STX8: variants seen among roughly 807,000 people sequenced by gnomAD.
The protein encoded by STX8 is syntaxin 8.
A neutral mutation model predicts 37.5 loss-of-function variants in STX8; 23 were observed. That is an observed-to-expected ratio of 0.61 (90% CI 0.44 to 0.87). STX8 has a LOEUF of 0.87. Among genes scored for constraint, STX8 ranks in the 40% least tolerant of loss-of-function variants. The probability of loss-of-function intolerance (pLI) is 0.00; values close to 1 mark genes in which losing one functional copy is unlikely to be tolerated. For missense variants in STX8, 313 were observed against 284.7 expected, an observed-to-expected ratio of 1.10 and a Z score of -0.71; for synonymous variants, 115 against 99.1, an observed-to-expected ratio of 1.16 and a Z score of -0.95.
chr17:9,409,470 C>T (rs1223115110), intron 6 of STX8, among the ~76,000 whole-genome samples: 1 of 152,120 alleles, frequency 6.6e-6, no homozygotes, highest in African/African-American at 2.4e-5. Flanking sequence ...CCCTTTATAG[C>T]CGCCTATTTT....
intron 2 of STX8, among the ~76,000 whole-genome samples, chr17:9,559,878 C>T (rs1907152677): frequency 6.8e-6 from 1 of 146,004 alleles, no homozygotes; most frequent in Non-Finnish European, 1.5e-5. Context: ...TCTCCTGCCT[C>T]AGCCTCCTGA....
At chr17:9,575,727 G>C in intron 1 of STX8, 65 bp downstream of exon 1, 1 of 1,537,034 alleles carries the variant, frequency 6.5e-7, no homozygotes, top group Non-Finnish European at 8.8e-7. Context: ...GTGATTGCCT[G>C]CTCTCCGGAA....
In STX8 at chr17:9,465,980, T is replaced by C. The variant is rs1193381509; in HGVS notation, c.541+25849A>G. ...CCACCATACTATTTTAGTATTCTTT[T>C]TTTTTTTCAGATGGAGTCTCGCTCT... On this transcript the variant is annotated intron_variant, in intron 6 of 7. Transcript: ENST00000306357. Among the ~76,000 whole-genome samples the C allele has an allele frequency of 2.6e-5, 4 of 152,206 alleles. No homozygotes were observed. The South Asian group carries it at 6.2e-4, about 24-fold the overall frequency.
intron 7 of STX8, among the ~76,000 whole-genome samples, chr17:9,349,927 G>A (rs1910654169): frequency 6.6e-6 from 1 of 152,038 alleles, no homozygotes; most frequent in Admixed American, 6.6e-5. Flanking sequence ...TGTAGAGATG[G>A]GGTCTGACTA....
At chr17:9,542,510 T>C (rs1906318575) in intron 4 of STX8, among the ~76,000 whole-genome samples, 1 of 151,354 alleles carries the variant, frequency 6.6e-6, no homozygotes, top group Non-Finnish European at 1.5e-5. Context: ...ACCCTGTCTC[T>C]ACTAAAAATA....
chr17:9,339,180 A>G (rs1183897653), intron 7 of STX8, among the ~76,000 whole-genome samples: 2 of 152,128 alleles, frequency 1.3e-5, no homozygotes, highest in Non-Finnish European at 2.9e-5. Context: ...CAGAAACCCT[A>G]GAATCAGACA....
chr17:9,301,469 TTTTA>T (rs993932441), intron 7 of STX8, among the ~76,000 whole-genome samples: 33 of 151,290 alleles, frequency 2.2e-4, no homozygotes, highest in Non-Finnish European at 2.4e-4. Context: ...TTAATTTTTA[TTTTA>T]TTTATTTATT....
intron 6 of STX8, among the ~76,000 whole-genome samples, chr17:9,423,845 AGTCACGG>A (rs1024779881): frequency 6.6e-5 from 10 of 152,198 alleles, no homozygotes; most frequent in Non-Finnish European, 1.5e-4. Context: ...CGTCCATATC[AGTCACGG>A]GCTGAGTTGC....
chr17:9,530,247 C>A (rs1022161968), intron 4 of STX8, among the ~76,000 whole-genome samples: 10 of 147,128 alleles, frequency 6.8e-5, no homozygotes, highest in Admixed American at 6.2e-4. Flanking sequence ...GGAGGTGGGG[C>A]TTGCAGTGAG....
chr17:9,435,204 C>T (rs943953127), intron 6 of STX8, among the ~76,000 whole-genome samples: 5 of 152,068 alleles, frequency 3.3e-5, no homozygotes, highest in East Asian at 1.9e-4. Context: ...GATACTGAGC[C>T]GTGTTTTAGA....
chr17:9,418,667 A>G (rs1913291874), intron 6 of STX8, among the ~76,000 whole-genome samples: 1 of 151,512 alleles, frequency 6.6e-6, no homozygotes, highest in Non-Finnish European at 1.5e-5. Context: ...CTCTACTAAA[A>G]ATACAAAAAA....
intron 7 of STX8, among the ~76,000 whole-genome samples, chr17:9,277,978 G>A (rs887120614): frequency 7.2e-5 from 11 of 152,136 alleles, no homozygotes; most frequent in African/African-American, 2.4e-4. Context: ...AGCAGGGAGC[G>A]GCAATATCTC....
intron 7 of STX8, among the ~76,000 whole-genome samples, chr17:9,259,360 G>T: frequency 6.6e-6 from 1 of 152,160 alleles, no homozygotes; most frequent in Non-Finnish European, 1.5e-5. Context: ...CCTAGTGGTC[G>T]CAGGTGCTCC....
rs576404364 is a variant in STX8 at position 9,363,799 on chromosome 17, C to T, written c.643+14753G>A. Among the ~76,000 whole-genome samples the T allele has an allele frequency of 3.0e-4, 46 of 152,240 alleles. No homozygotes were observed. In the South Asian group the frequency reaches 7.9e-3, roughly 26 times the overall value. On this transcript the variant is annotated intron_variant, in intron 7 of 7. Coordinates refer to ENST00000306357, the MANE Select transcript of STX8 (RefSeq NM_004853.3). The stretch of plus-strand genomic sequence containing the variant: ...ATCATTTCTGACCCCTTGATGATTG[C>T]AAAAATCACTGCCTTCTAACAGATT...
At chr17:9,536,973 CCT>C (rs760841755) in intron 4 of STX8, among the ~76,000 whole-genome samples, 72 of 152,206 alleles carry the variant, frequency 4.7e-4, no homozygotes, top group Non-Finnish European at 7.9e-4. Context: ...GTCTCAAACC[CCT>C]GACCTCGTGA....
At chr17:9,377,271 C>T (rs898399703) in intron 7 of STX8, among the ~76,000 whole-genome samples, 2 of 151,672 alleles carry the variant, frequency 1.3e-5, no homozygotes, top group Non-Finnish European at 2.9e-5. Flanking sequence ...GTTCTCAGAT[C>T]TCTAGGTTTT....
In STX8 at chr17:9,343,819, T is replaced by C. The variant is rs377221087; in HGVS notation, c.643+34733A>G. The stretch of plus-strand genomic sequence containing the variant: ...CCTTCTGCTGCGAAGCTTCCACTCC[T>C]GTAGTGTTCTGGTTTGCGTTCTTTG... On this transcript the variant is annotated intron_variant, in intron 7 of 7. Coordinates refer to ENST00000306357, the MANE Select transcript of STX8 (RefSeq NM_004853.3). 2.6e-5 allele frequency among the ~76,000 whole-genome samples: 4 copies of C among 152,240 alleles called. No individual in the cohort carries two copies. The East Asian group carries it at 7.7e-4, about 29-fold the overall frequency.
chr17:9,403,414 T>G (rs914411601), intron 6 of STX8, among the ~76,000 whole-genome samples: 1 of 152,200 alleles, frequency 6.6e-6, no homozygotes. Flanking sequence ...GATTCAACAC[T>G]GAAAACACTG....
chr17:9,313,390 A>G (rs1284977402), intron 7 of STX8, among the ~76,000 whole-genome samples: 3 of 152,194 alleles, frequency 2.0e-5, no homozygotes, highest in Non-Finnish European at 2.9e-5. Flanking sequence ...CTTCAGGACA[A>G]GCAGAAAACC....
Sources: allele counts gnomAD v4.1 joint callset (sites outside exome capture counted in the v4.1 genomes callset), GRCh38; gene constraint gnomAD v4.1.1; transcripts MANE v1.5; gene names NCBI Gene and HGNC (gene_info 2026-07-23, HGNC 2026-07-21).